ISY1: variants seen among roughly 807,000 people sequenced by gnomAD.
The protein encoded by ISY1 is ISY1 spliceosome associated protein.
ISY1 carries 12 observed loss-of-function variants against 54.4 expected under a neutral mutation model. The ratio of observed to expected loss-of-function variants is 0.22; its 90% CI spans 0.14 to 0.36. The LOEUF (loss-of-function observed/expected upper bound fraction) is 0.36, where lower values mean the gene tolerates loss of function less well. Ranked by LOEUF, ISY1 falls within the 10% of genes least tolerant of loss-of-function variation. The probability of loss-of-function intolerance (pLI) is 1.00; values close to 1 mark genes in which losing one functional copy is unlikely to be tolerated. For synonymous variants in ISY1, 96 were observed against 117.9 expected (o/e 0.81, Z 1.20); for missense variants, 282 against 342.2 (o/e 0.82, Z 1.39).
intron 10 of ISY1, 66 bp from the exon 11 acceptor site, chr3:129,130,254 C>T: frequency 1.3e-6 from 2 of 1,516,654 alleles, no homozygotes; most frequent in Non-Finnish European, 1.8e-6. Flanking sequence ...CAGACCCAGC[C>T]AGGAGGAAGT....
chr3:129,137,635 G>A (rs7611673), intron 7 of ISY1, among the ~76,000 whole-genome samples: 121,788 of 151,902 alleles, frequency 0.8, 53,146 homozygotes, highest in Non-Finnish European at 0.97. Flanking sequence ...GTTTGAGACC[G>A]GCCGGGAGCA....
At chr3:129,145,241 T>G (rs1166096144) in intron 6 of ISY1, among the ~76,000 whole-genome samples, 3 of 93,618 alleles carry the variant, frequency 3.2e-5, no homozygotes, top group East Asian at 3.4e-4. Flanking sequence ...TTTTTTTTTT[T>G]GAAGACAGAA....
intron 5 of ISY1, among the ~76,000 whole-genome samples, chr3:129,149,406 G>T (rs1374629954): frequency 1.1e-5 from 1 of 93,526 alleles, no homozygotes; most frequent in African/African-American, 4.4e-5. Context: ...CCAGCCTGGC[G>T]ACAAGAACAA....
intron 5 of ISY1, 47 bp from the exon 6 acceptor site, chr3:129,145,920 C>G (rs769662290): frequency 2.3e-5 from 36 of 1,579,868 alleles, no homozygotes; most frequent in Non-Finnish European, 2.1e-5. Flanking sequence ...AAATGAATGT[C>G]AACACCTCTA....
At chr3:129,134,585 G>C (rs1297358948) in intron 8 of ISY1, among the ~76,000 whole-genome samples, 3 of 152,134 alleles carry the variant, frequency 2.0e-5, no homozygotes, top group Non-Finnish European at 4.4e-5. Flanking sequence ...AATCCACATG[G>C]TGACCTCCTA....
intron 5 of ISY1, among the ~76,000 whole-genome samples, chr3:129,147,058 C>CA (rs762063515): frequency 1.1e-3 from 140 of 127,604 alleles, no homozygotes; most frequent in South Asian, 4.2e-3. Flanking sequence ...GACCGCCATT[C>CA]AAAAAAAAAA....
chr3:129,148,811 C>T (rs545236994), intron 5 of ISY1, among the ~76,000 whole-genome samples: 3 of 152,288 alleles, frequency 2.0e-5, no homozygotes, highest in South Asian at 4.1e-4. Context: ...TCAAGTGATC[C>T]ACCCATCTCG....
At chr3:129,149,385 G>A (rs1215757588) in intron 5 of ISY1, among the ~76,000 whole-genome samples, 50 of 118,840 alleles carry the variant, frequency 4.2e-4, no homozygotes, top group African/African-American at 1.6e-3. Flanking sequence ...CTGAGATCAC[G>A]CCACCACACT....
At chr3:129,144,070 G>T in intron 6 of ISY1, 1 of 342,484 alleles carries the variant, frequency 2.9e-6, no homozygotes, top group Non-Finnish European at 6.0e-6. Flanking sequence ...TTTCATACCT[G>T]AGACCACTTT....
intron 5 of ISY1, among the ~76,000 whole-genome samples, chr3:129,149,828 G>A (rs1334470441): frequency 7.3e-6 from 1 of 137,022 alleles, no homozygotes; most frequent in Non-Finnish European, 1.6e-5. Context: ...AAAAAAATTA[G>A]CCAGGCATGG....
intron 7 of ISY1, 36 bp from the exon 8 acceptor site, chr3:129,134,990 C>A: frequency 1.3e-6 from 2 of 1,578,958 alleles, no homozygotes; most frequent in South Asian, 1.1e-5. Context: ...GTTTCCAAGT[C>A]ATAATCACAC....
At chr3:129,142,333 T>G (rs1175184416) in intron 6 of ISY1, among the ~76,000 whole-genome samples, 1 of 152,172 alleles carries the variant, frequency 6.6e-6, no homozygotes, top group African/African-American at 2.4e-5. Flanking sequence ...CCACATGGAT[T>G]CAATTATTGT....
chr3:129,130,481 T>C, intron 10 of ISY1, 69 bp downstream of exon 10: 2 of 1,578,614 alleles, frequency 1.3e-6, no homozygotes, highest in South Asian at 1.1e-5. Context: ...GAAAACCCAC[T>C]ACAGTGCTCT....
chr3:129,144,697 T>C (rs1340449972), intron 6 of ISY1, among the ~76,000 whole-genome samples: 1 of 152,150 alleles, frequency 6.6e-6, no homozygotes, highest in Non-Finnish European at 1.5e-5. Context: ...TCAGCACCTT[T>C]GTGTGCTGGC....
rs1424886927 is a variant in ISY1, at chr3:129,141,589, C to CAAAA, written c.301-1105_301-1104insTTTT. Among the ~76,000 whole-genome samples, 19 of 151,860 alleles carry CAAAA rather than the reference C, an allele frequency of 1.3e-4. 1 individual carries two copies. Among genetic ancestry groups the CAAAA allele is most frequent in the Admixed American group, 4.6e-4 (7 of 15,236 alleles). On this transcript the variant is annotated intron_variant, in intron 6 of 10. Transcript: ENST00000393295. ...CTAACATGGTGAAACCCCGTCTCTA[C>CAAAA]TATAAATACAAAAAATTAGCTAGGC...
At chr3:129,132,886 G>A (rs1936276281) in intron 9 of ISY1, among the ~76,000 whole-genome samples, 3 of 152,246 alleles carry the variant, frequency 2.0e-5, no homozygotes, top group Non-Finnish European at 4.4e-5. Context: ...AGGAACGTCA[G>A]GCCTGTTATA....
intron 6 of ISY1, among the ~76,000 whole-genome samples, chr3:129,145,475 G>A (rs1407065707): frequency 1.3e-5 from 2 of 151,870 alleles, no homozygotes; most frequent in Admixed American, 6.6e-5. Context: ...TGCCCGCCTC[G>A]GCCTCCCAAA....
Position 129,156,650 on chromosome 3 carries a change from A to T in ISY1, c.170T>A (p.Val57Glu), listed in dbSNP as rs1234788175. Residue 57 changes from valine to glutamate, a missense_variant, in exon 5 of 11, where the codon GTG becomes GAG. Val to Glu is a moderately radical substitution (Grantham distance 121, BLOSUM62 -2). This residue lies in a region of ISY1 where 279 missense variants were observed against 323.6 expected (regional missense o/e 0.86). Coordinates refer to ENST00000393295, the MANE Select transcript of ISY1 (RefSeq NM_020701.4). ...RQIIGEISKK[V>E]AQIQNAGLGE... ...TTGCTTACCATTCTGAATCTGAGCC[A>T]CTTTTTTAGAGATCTCTCCAATGAT... 6.2e-7 allele frequency: 1 copy of T among 1,611,850 alleles called. No individual in the cohort carries two copies. Among genetic ancestry groups the T allele is most frequent in the Admixed American group, 1.7e-5 (1 of 59,812 alleles).
At chr3:129,131,075 G>A (rs1375458426) in intron 9 of ISY1, among the ~76,000 whole-genome samples, 2 of 152,170 alleles carry the variant, frequency 1.3e-5, no homozygotes, top group South Asian at 2.1e-4. Flanking sequence ...AAAACACCAC[G>A]GACTTGGAAA....
Sources: gnomAD v4.1 joint callset for allele counts (sites outside exome capture counted in the v4.1 genomes callset) on GRCh38, gnomAD v4.1.1 for gene constraint, gnomAD v4.1.1 regional missense constraint, MANE v1.5 for transcripts, NCBI Gene and HGNC (gene_info 2026-07-23, HGNC 2026-07-21) for gene names.